ZNF365: variants seen among roughly 807,000 people sequenced by gnomAD.
The protein encoded by ZNF365 is zinc finger protein 365, also known as protein ZNF365.
A neutral mutation model predicts 35.0 loss-of-function variants in ZNF365; 22 were observed. That is an observed-to-expected ratio of 0.63 (90% CI 0.45 to 0.90). The LOEUF is 0.90. ZNF365 is among the 40% of genes least tolerant of loss of function. The pLI, the probability that ZNF365 is intolerant of heterozygous loss-of-function variation, is 0.00. For synonymous variants in ZNF365, 188 were observed against 196.2 expected (o/e 0.96, Z 0.35); for missense variants, 448 against 500.3 (o/e 0.90, Z 1.00).
At chr10:62,375,772 T>C (rs1326669777) in intron 1 of ZNF365, 2 of 165,948 alleles carry the variant, frequency 1.2e-5, no homozygotes, top group Non-Finnish European at 2.6e-5. Context: ...TCTACCACTT[T>C]CCATCTGACC....
intron 3 of ZNF365, among the ~76,000 whole-genome samples, chr10:62,444,374 GTA>G (rs939452090): frequency 1.2e-4 from 18 of 152,170 alleles, no homozygotes; most frequent in Non-Finnish European, 2.9e-5. Flanking sequence ...TGCTTCTGTA[GTA>G]TGTCTCTAGA....
chr10:62,412,862 T>C (rs568532273), intron 3 of ZNF365, among the ~76,000 whole-genome samples: 1 of 152,260 alleles, frequency 6.6e-6, no homozygotes, highest in African/African-American at 2.4e-5. Flanking sequence ...AATTTATAGA[T>C]TCAATGCTAT....
Position 62,399,564 on chromosome 10 carries a change from T to A in ZNF365, c.999T>A (p.Pro333=). Residue 333 remains proline, a synonymous_variant, in exon 5 of 5, where the codon CCT becomes CCA. Coordinates refer to ENST00000395254, the MANE Select transcript of ZNF365 (RefSeq NM_014951.3). ...ACCCGCATTCGGTATGTAACCACCCTGATCTCAAGGCCCATTTCCACCCAA... is the reference window on the plus strand; with the variant it reads ...ACCCGCATTCGGTATGTAACCACCCAGATCTCAAGGCCCATTTCCACCCAA... ...RGHPHSVCNH[P]DLKAHFHPKG... 6.2e-7 allele frequency: 1 copy of A among 1,614,112 alleles called. No individual in the cohort carries two copies. Among genetic ancestry groups the A allele is most frequent in the Non-Finnish European group, 8.5e-7 (1 of 1,180,022 alleles).
At position 62,399,843 on chromosome 10, in the gene ZNF365, A is replaced by G. The variant is rs953135562; in HGVS notation, c.*54A>G. 2 of 1,542,192 alleles carry G rather than the reference A, an allele frequency of 1.3e-6. No homozygotes were observed. Among genetic ancestry groups the G allele is most frequent in the South Asian group, 1.2e-5 (1 of 82,320 alleles). Reference sequence around the variant, plus strand: ...GCTGGGCTTTGGGGAACGTTGTTCCAGGAGCCAACAGTAATGTCTTTCTGG... The same window carrying G: ...GCTGGGCTTTGGGGAACGTTGTTCCGGGAGCCAACAGTAATGTCTTTCTGG... On this transcript the variant is annotated 3_prime_UTR_variant, in exon 5 of 5. Transcript: ENST00000395254.
At chr10:62,430,384 G>A (rs1840317048) in intron 3 of ZNF365, among the ~76,000 whole-genome samples, 1 of 150,712 alleles carries the variant, frequency 6.6e-6, no homozygotes, top group Non-Finnish European at 1.5e-5. Flanking sequence ...GTTTCACCAT[G>A]TTAGCCAGGA....
intron 3 of ZNF365, among the ~76,000 whole-genome samples, chr10:62,448,959 C>G (rs531728379): frequency 6.6e-6 from 1 of 152,276 alleles, no homozygotes; most frequent in East Asian, 1.9e-4. Context: ...GTTTTTGTGG[C>G]TTTAGCTAAA....
intron 3 of ZNF365, among the ~76,000 whole-genome samples, chr10:62,446,772 C>G (rs550848789): frequency 6.6e-6 from 1 of 152,058 alleles, no homozygotes; most frequent in Admixed American, 6.6e-5. Flanking sequence ...CTGGGTGAAA[C>G]GGCTGGCTGG....
intron 3 of ZNF365, among the ~76,000 whole-genome samples, chr10:62,396,771 C>T (rs1239359816): frequency 6.6e-6 from 1 of 152,180 alleles, no homozygotes; most frequent in Non-Finnish European, 1.5e-5. Context: ...CTCTCTCTCT[C>T]TCAATTTTGC....
chr10:62,447,176 A>G (rs913703689), intron 3 of ZNF365, among the ~76,000 whole-genome samples: 1 of 152,244 alleles, frequency 6.6e-6, no homozygotes, highest in Admixed American at 6.5e-5. Context: ...ATAATTGAGT[A>G]CAAAAATACA....
chr10:62,379,099 T>G (rs1839386409), intron 2 of ZNF365, among the ~76,000 whole-genome samples: 1 of 150,254 alleles, frequency 6.7e-6, no homozygotes, highest in African/African-American at 2.5e-5. Flanking sequence ...GTCAGCTCAC[T>G]GCAACCTCTG....
At chr10:62,458,411 C>T (rs1453418390) in intron 3 of ZNF365, among the ~76,000 whole-genome samples, 5 of 151,762 alleles carry the variant, frequency 3.3e-5, no homozygotes, top group African/African-American at 1.2e-4. Context: ...ACTGACTCTT[C>T]AGCAGAATTT....
At chr10:62,468,209 C>T (rs1213246141) in intron 4 of ZNF365, among the ~76,000 whole-genome samples, 1 of 152,126 alleles carries the variant, frequency 6.6e-6, no homozygotes, top group African/African-American at 2.4e-5. Flanking sequence ...ATATCCACCA[C>T]CTTAGTATAC....
intron 3 of ZNF365, among the ~76,000 whole-genome samples, chr10:62,425,341 A>T (rs898614470): frequency 2.3e-4 from 35 of 150,428 alleles, no homozygotes; most frequent in Non-Finnish European, 4.1e-4. Context: ...ATAAAAATAC[A>T]TAATCTCAAT....
chr10:62,439,578 T>C (rs1397660260), intron 3 of ZNF365, among the ~76,000 whole-genome samples: 1 of 152,212 alleles, frequency 6.6e-6, no homozygotes, highest in African/African-American at 2.4e-5. Context: ...CTAATAGCTG[T>C]GGCTCTTCCT....
chr10:62,444,744 C>A (rs182855998), intron 3 of ZNF365, among the ~76,000 whole-genome samples: 388 of 152,230 alleles, frequency 2.5e-3, no homozygotes, highest in African/African-American at 9.0e-3. Flanking sequence ...CTCTTTCAGG[C>A]AGATGCAGTC....
At chr10:62,446,597 C>T (rs1330263411) in intron 3 of ZNF365, among the ~76,000 whole-genome samples, 1 of 83,834 alleles carries the variant, frequency 1.2e-5, no homozygotes, top group African/African-American at 3.6e-5. Context: ...ACAGAGCTTC[C>T]AGGGATTTTT....
chr10:62,384,246 G>A (rs1839488921), intron 2 of ZNF365, among the ~76,000 whole-genome samples: 1 of 151,986 alleles, frequency 6.6e-6, no homozygotes, highest in African/African-American at 2.4e-5. Context: ...TTCTCATCTG[G>A]CCTTCCAGCT....
chr10:62,452,485 C>T (rs1840698454), intron 3 of ZNF365, among the ~76,000 whole-genome samples: 1 of 152,218 alleles, frequency 6.6e-6, no homozygotes. Flanking sequence ...AAGAGAATTT[C>T]TTGTTTCTCA....
At chr10:62,380,032 T>C (rs984959382) in intron 2 of ZNF365, among the ~76,000 whole-genome samples, 1 of 152,264 alleles carries the variant, frequency 6.6e-6, no homozygotes, top group Non-Finnish European at 1.5e-5. Context: ...AAGCTTCTTT[T>C]GCTTATGGAT....
Sources: allele counts gnomAD v4.1 joint callset (sites outside exome capture counted in the v4.1 genomes callset), GRCh38; gene constraint gnomAD v4.1.1; transcripts MANE v1.5; gene names NCBI Gene and HGNC (gene_info 2026-07-23, HGNC 2026-07-21).